Variants in GLIS3 observed in about 807,000 individuals in gnomAD.
The protein encoded by GLIS3 is zinc finger protein GLIS3.
Under a neutral mutation model 78.6 loss-of-function variants are expected in GLIS3, and 53 were observed. The observed-to-expected ratio is 0.67, with a 90% CI of 0.54 to 0.85. GLIS3 has a LOEUF of 0.85. Ranked by LOEUF, GLIS3 falls within the 40% of genes least tolerant of loss-of-function variation. The pLI, the probability that GLIS3 is intolerant of heterozygous loss-of-function variation, is 0.00. For synonymous variants in GLIS3, 684 were observed against 509.9 expected (o/e 1.34, Z -4.60); for missense variants, 1,703 against 1,231.1 (o/e 1.38, Z -5.74).
the GLIS3 span, among the ~76,000 whole-genome samples, chr9:4,425,437 G>C: frequency 6.6e-6 from 1 of 152,108 alleles, no homozygotes; most frequent in Non-Finnish European, 1.5e-5. Flanking sequence ...CCTGCCCTCA[G>C]TCACCTCAGC....
At chr9:4,181,306 G>A (rs559277366) in intron 2 of GLIS3, among the ~76,000 whole-genome samples, 15 of 152,292 alleles carry the variant, frequency 9.8e-5, no homozygotes, top group African/African-American at 1.7e-4. Flanking sequence ...GTCTTCCGTC[G>A]TTCACAGGAA....
chr9:4,438,716 C>A, the GLIS3 span, among the ~76,000 whole-genome samples: 1 of 152,272 alleles, frequency 6.6e-6, no homozygotes, highest in East Asian at 1.9e-4. Context: ...GTGAATAAGT[C>A]TCACAAGATC....
chr9:4,485,542 G>A, the GLIS3 span, among the ~76,000 whole-genome samples: 1 of 152,118 alleles, frequency 6.6e-6, no homozygotes, highest in Non-Finnish European at 1.5e-5. Context: ...CAAATTTCCA[G>A]GGAGGCTGAT....
intron 4 of GLIS3, among the ~76,000 whole-genome samples, chr9:4,116,272 C>T (rs1179823422): frequency 6.6e-6 from 1 of 152,204 alleles, no homozygotes; most frequent in African/African-American, 2.4e-5. Flanking sequence ...TCTTTCCTGC[C>T]TGCAATAGGC....
chr9:4,258,402 G>A (rs749753334), intron 2 of GLIS3, among the ~76,000 whole-genome samples: 15 of 152,202 alleles, frequency 9.9e-5, no homozygotes, highest in Admixed American at 2.6e-4. Flanking sequence ...TGAGTAAGAC[G>A]GTATTGGGAA....
the GLIS3 span, among the ~76,000 whole-genome samples, chr9:4,438,182 C>G: frequency 6.6e-6 from 1 of 152,092 alleles, no homozygotes; most frequent in Admixed American, 6.6e-5. Flanking sequence ...AATTTATTTT[C>G]AAATAAAATA....
the GLIS3 span, among the ~76,000 whole-genome samples, chr9:4,430,439 A>G: frequency 7.2e-5 from 11 of 152,252 alleles, no homozygotes; most frequent in African/African-American, 2.4e-4. Flanking sequence ...GAGAAGCTGC[A>G]CTGTTGCCAG....
At chr9:4,309,285 A>G (rs996193169) in intron 3 of GLIS3, among the ~76,000 whole-genome samples, 1 of 152,270 alleles carries the variant, frequency 6.6e-6, no homozygotes, top group African/African-American at 2.4e-5. Context: ...AAAGCAAGAA[A>G]TAATTCAAAA....
intron 4 of GLIS3, among the ~76,000 whole-genome samples, chr9:3,945,738 G>A (rs13283455): frequency 0.04 from 6,009 of 152,114 alleles, 159 homozygotes; most frequent in Non-Finnish European, 0.061. Flanking sequence ...GATCTGCCTC[G>A]GAAATATATT....
At chr9:3,904,980 T>A (rs1325039326) in intron 6 of GLIS3, among the ~76,000 whole-genome samples, 3 of 151,254 alleles carry the variant, frequency 2.0e-5, no homozygotes, top group African/African-American at 7.3e-5. Context: ...ATGACTCTTT[T>A]TTTTTTTTTT....
chr9:4,380,813 A>T, the GLIS3 span, among the ~76,000 whole-genome samples: 3 of 152,204 alleles, frequency 2.0e-5, no homozygotes, highest in African/African-American at 7.2e-5. Flanking sequence ...GGGATGGGAG[A>T]TGCAAGACCC....
intron 4 of GLIS3, among the ~76,000 whole-genome samples, chr9:4,070,684 T>C (rs1367585557): frequency 6.6e-6 from 1 of 152,192 alleles, no homozygotes; most frequent in Admixed American, 6.5e-5. Context: ...TATTATTCTG[T>C]TATTACTCTG....
chr9:3,858,479 G>C (rs896445745), intron 8 of GLIS3, among the ~76,000 whole-genome samples: 7 of 152,012 alleles, frequency 4.6e-5, no homozygotes, highest in African/African-American at 1.7e-4. Flanking sequence ...GCTATCTCAA[G>C]GACATGAAGG....
At chr9:4,405,875 T>C in the GLIS3 span, among the ~76,000 whole-genome samples, 3 of 152,124 alleles carry the variant, frequency 2.0e-5, no homozygotes, top group Non-Finnish European at 4.4e-5. Flanking sequence ...TTCATTATGA[T>C]CAAATGGGAT....
At chr9:4,206,281 A>T (rs1477158302) in intron 2 of GLIS3, among the ~76,000 whole-genome samples, 2 of 152,232 alleles carry the variant, frequency 1.3e-5, no homozygotes, top group Non-Finnish European at 2.9e-5. Flanking sequence ...TTCACTGTGG[A>T]AAGAAAAAAG....
chr9:4,337,756 T>C (rs1285131270), intron 2 of GLIS3, among the ~76,000 whole-genome samples: 3 of 152,096 alleles, frequency 2.0e-5, no homozygotes, highest in Admixed American at 1.3e-4. Flanking sequence ...AGTAGCATAA[T>C]AGTAGAGGTG....
intron 4 of GLIS3, among the ~76,000 whole-genome samples, chr9:3,981,531 A>G (rs1819286430): frequency 6.6e-6 from 1 of 152,094 alleles, no homozygotes; most frequent in Admixed American, 6.5e-5. Flanking sequence ...GTGCCCTCCT[A>G]GGTGGCTCTG....
chr9:4,256,449 C>T (rs1824949454), intron 2 of GLIS3, among the ~76,000 whole-genome samples: 2 of 152,140 alleles, frequency 1.3e-5, no homozygotes, highest in Admixed American at 6.5e-5. Flanking sequence ...TTTTTCACCT[C>T]TTAAATTGTG....
At chr9:4,186,007 T>TTAA (rs955298050) in intron 2 of GLIS3, among the ~76,000 whole-genome samples, 6 of 151,994 alleles carry the variant, frequency 3.9e-5, no homozygotes, top group Non-Finnish European at 8.8e-5. Flanking sequence ...AAATTTTATT[T>TTAA]TATTATTATT....
Sources: allele counts gnomAD v4.1 joint callset (sites outside exome capture counted in the v4.1 genomes callset), GRCh38; gene constraint gnomAD v4.1.1; transcripts MANE v1.5; gene names NCBI Gene and HGNC (gene_info 2026-07-23, HGNC 2026-07-21).